The following CNBD1 variants were observed in gnomAD, a reference collection of about 807,000 sequenced individuals.
CNBD1 encodes cyclic nucleotide binding domain containing 1.
CNBD1 carries 71 observed loss-of-function variants against 54.4 expected under a neutral mutation model. That is an observed-to-expected ratio of 1.30 (90% CI 1.08 to 1.59). CNBD1 has a LOEUF of 1.59. CNBD1 is among the 40% of genes most tolerant of loss of function. The probability of loss-of-function intolerance (pLI) is 0.00; values close to 1 mark genes in which losing one functional copy is unlikely to be tolerated. For synonymous variants in CNBD1, 182 were observed against 170.7 expected (o/e 1.07, Z -0.51); for missense variants, 659 against 518.0 (o/e 1.27, Z -2.64).
At chr8:87,087,376 T>G (rs1811121335) in intron 4 of CNBD1, among the ~76,000 whole-genome samples, 1 of 149,970 alleles carries the variant, frequency 6.7e-6, no homozygotes, top group Non-Finnish European at 1.5e-5. Flanking sequence ...TGTTTACTTT[T>G]AAAAACTAGA....
At chr8:87,379,508 G>T (rs993327702) in intron 10 of CNBD1, among the ~76,000 whole-genome samples, 1 of 151,806 alleles carries the variant, frequency 6.6e-6, no homozygotes, top group Non-Finnish European at 1.5e-5. Context: ...AAATGTAAAA[G>T]AACAGAATTT....
intron 2 of CNBD1, among the ~76,000 whole-genome samples, chr8:86,898,162 G>A (rs987273086): frequency 2.6e-5 from 4 of 151,988 alleles, no homozygotes; most frequent in African/African-American, 4.8e-5. Flanking sequence ...GACCACACAC[G>A]TAAACATAAA....
chr8:87,334,418 AG>A (rs1809900154), intron 8 of CNBD1, among the ~76,000 whole-genome samples: 1 of 151,750 alleles, frequency 6.6e-6, no homozygotes, highest in African/African-American at 2.4e-5. Flanking sequence ...GTCTCCTGCT[AG>A]CTTTTGGATT....
chr8:87,353,206 G>A (rs1810343222), intron 9 of CNBD1, among the ~76,000 whole-genome samples: 1 of 152,212 alleles, frequency 6.6e-6, no homozygotes, highest in Non-Finnish European at 1.5e-5. Flanking sequence ...AATACCATCG[G>A]TTCTGGCCCT....
At chr8:87,044,796 C>T (rs185929038) in intron 4 of CNBD1, 2 of 152,306 alleles carry the variant, frequency 1.3e-5, no homozygotes, top group East Asian at 3.9e-4. Flanking sequence ...AACATTTTGC[C>T]TGGGAGCCCA....
At chr8:87,080,570 C>CA (rs201765591) in intron 4 of CNBD1, among the ~76,000 whole-genome samples, 8,398 of 116,458 alleles carry the variant, frequency 0.072, 677 homozygotes, top group African/African-American at 0.22. Context: ...AGCTCCATCT[C>CA]AAAAAAAAAA....
chr8:87,413,284 G>T (rs912714386), intron 2 of CNBD1, among the ~76,000 whole-genome samples: 19 of 151,996 alleles, frequency 1.3e-4, no homozygotes, highest in Admixed American at 5.9e-4. Context: ...GAGTTTTGGG[G>T]TCCCAAGATT....
chr8:87,019,426 A>G (rs1350675759), intron 4 of CNBD1, among the ~76,000 whole-genome samples: 1 of 152,172 alleles, frequency 6.6e-6, no homozygotes, highest in African/African-American at 2.4e-5. Context: ...TCTCCCAAAT[A>G]CCAGTATATG....
rs756249625 is a variant in CNBD1 at position 87,351,674 on chromosome 8, CTTCTT to C, written c.1043-7_1043-3del. The C allele has an allele frequency of 2.1e-4, 307 of 1,483,460 alleles. 1 individual carries two copies. Among genetic ancestry groups the C allele is most frequent in the Middle Eastern group, 5.2e-4 (3 of 5,818 alleles). The allele number at this position is 1,483,460 out of a possible 1,614,324, so 91.9% of individuals were successfully genotyped here. A position where few individuals can be genotyped will look rare whatever the true frequency, so the allele number is the denominator to read the frequency against. ...AGAATGTGTGAAATGAACTATCTCT[CTTCTT>C]TTCAGTGATAGTGGAAAGTGGAAAT... On this transcript the variant is annotated splice_polypyrimidine_tract_variant and splice_region_variant and intron_variant, in intron 8 of 10. Transcript: ENST00000518476.
intron 6 of CNBD1, among the ~76,000 whole-genome samples, chr8:87,260,498 T>C (rs1439628393): frequency 6.6e-6 from 1 of 152,166 alleles, no homozygotes; most frequent in Admixed American, 6.6e-5. Context: ...AGCTTAAGAC[T>C]AGCCTCAGAA....
intron 4 of CNBD1, among the ~76,000 whole-genome samples, chr8:87,120,832 C>G (rs1811874874): frequency 6.6e-6 from 1 of 151,744 alleles, no homozygotes; most frequent in South Asian, 2.1e-4. Context: ...ATTTATCTGT[C>G]TATGTTAATG....
chr8:87,239,776 GA>G (rs1192771057), intron 6 of CNBD1, among the ~76,000 whole-genome samples: 2 of 151,796 alleles, frequency 1.3e-5, no homozygotes, highest in African/African-American at 2.4e-5. Flanking sequence ...CACCCTGGAC[GA>G]AAAATAAGTG....
chr8:87,241,552 G>A lies in CNBD1; in HGVS notation c.771+4440G>A, dbSNP rs185343413. On this transcript the variant is annotated intron_variant, in intron 6 of 10. Transcript: ENST00000518476. Reference sequence around the variant, plus strand: ...CTCCCAAAGTGCTGGGATTACAGGCGTGAGCCACTGCACCCCGCCCATGGA... The same window carrying A: ...CTCCCAAAGTGCTGGGATTACAGGCATGAGCCACTGCACCCCGCCCATGGA... 2.8e-3 allele frequency among the ~76,000 whole-genome samples: 433 copies of A among 152,180 alleles called. 1 individual carries two copies. Among genetic ancestry groups the A allele is most frequent in the African/African-American group, 1.0e-2 (415 of 41,516 alleles).
intron 10 of CNBD1, among the ~76,000 whole-genome samples, chr8:87,358,388 A>G (rs1271767467): frequency 2.0e-5 from 3 of 152,178 alleles, no homozygotes; most frequent in Admixed American, 6.6e-5. Flanking sequence ...TTGCTTAAAA[A>G]TAATTACTAA....
intron 4 of CNBD1, among the ~76,000 whole-genome samples, chr8:87,187,950 C>A (rs954755921): frequency 1.3e-5 from 2 of 152,104 alleles, no homozygotes; most frequent in African/African-American, 4.8e-5. Flanking sequence ...AAATTCTTAA[C>A]AAGGTTTATA....
intron 4 of CNBD1, among the ~76,000 whole-genome samples, chr8:87,098,740 A>T (rs1445061025): frequency 6.6e-6 from 1 of 150,632 alleles, no homozygotes; most frequent in Admixed American, 6.6e-5. Flanking sequence ...TAATAAAAAA[A>T]AAAAAAAAAC....
chr8:87,104,763 C>A (rs1456543492), intron 4 of CNBD1, among the ~76,000 whole-genome samples: 4 of 152,092 alleles, frequency 2.6e-5, no homozygotes, highest in African/African-American at 9.7e-5. Context: ...TTTCATTTAT[C>A]TTTTTATAAA....
chr8:87,417,917 T>G (rs1345651042), intron 2 of CNBD1, among the ~76,000 whole-genome samples: 2 of 151,784 alleles, frequency 1.3e-5, no homozygotes, highest in Non-Finnish European at 2.9e-5. Flanking sequence ...AAAACATAAA[T>G]AGAAAGACAT....
chr8:87,289,652 AC>A (rs1808752337), intron 8 of CNBD1, among the ~76,000 whole-genome samples: 2 of 152,204 alleles, frequency 1.3e-5, no homozygotes, highest in East Asian at 1.9e-4. Context: ...AATTACAGCA[AC>A]ATATTTAGTG....
Sources: allele counts gnomAD v4.1 joint callset (sites outside exome capture counted in the v4.1 genomes callset), GRCh38; gene constraint gnomAD v4.1.1; transcripts MANE v1.5; gene names NCBI Gene and HGNC (gene_info 2026-07-23, HGNC 2026-07-21).